LEPR: variants seen among roughly 807,000 people sequenced by gnomAD.
LEPR encodes OB receptor.
A neutral mutation model predicts 114.7 loss-of-function variants in LEPR; 56 were observed. The ratio of observed to expected loss-of-function variants is 0.49; its 90% CI spans 0.39 to 0.61. The LOEUF is 0.61. Among genes scored for constraint, LEPR ranks in the 20% least tolerant of loss-of-function variants. The pLI is 0.00. For synonymous variants in LEPR, 443 were observed against 461.4 expected (o/e 0.96, Z 0.51); for missense variants, 1,202 against 1,352.9 (o/e 0.89, Z 1.75).
At chr1:65,579,407 G>A (rs976978136) in intron 5 of LEPR, among the ~76,000 whole-genome samples, 1 of 152,148 alleles carries the variant, frequency 6.6e-6, no homozygotes, top group Non-Finnish European at 1.5e-5. Flanking sequence ...TTTATTGAGA[G>A]TGAATAATGG....
At chr1:65,421,575 T>C (rs1570406688) in intron 1 of LEPR, 1 of 1,169,868 alleles carries the variant, frequency 8.5e-7, no homozygotes, top group Non-Finnish European at 1.2e-6. Flanking sequence ...TAACATCTGC[T>C]ATAAACATGT....
intron 5 of LEPR, among the ~76,000 whole-genome samples, chr1:65,585,814 CA>C (rs1160038167): frequency 6.6e-6 from 1 of 151,878 alleles, no homozygotes; most frequent in African/African-American, 2.4e-5. Flanking sequence ...TTAAAATTAT[CA>C]AATTTGTTAG....
intron 5 of LEPR, among the ~76,000 whole-genome samples, chr1:65,588,680 A>G (rs992589476): frequency 6.6e-6 from 1 of 152,048 alleles, no homozygotes; most frequent in African/African-American, 2.4e-5. Flanking sequence ...AGAACTTTAT[A>G]TAAATGCAAT....
intron 19 of LEPR, chr1:65,634,329 C>T (rs1406749212): frequency 1.0e-6 from 1 of 981,414 alleles, no homozygotes; most frequent in South Asian, 4.7e-5. Flanking sequence ...CCCTTCTTGA[C>T]TTCTAATAGG....
rs139186771 is a variant in LEPR at position 65,476,640 on chromosome 1, C to CA, written c.-21+51264dup. Among the ~76,000 whole-genome samples, 752 of 152,306 alleles carry CA rather than the reference C, an allele frequency of 4.9e-3. 8 individuals are homozygous for CA. The highest frequency in any genetic ancestry group is 0.017 in the African/African-American group (723 of 41,566). On this transcript the variant is annotated intron_variant, in intron 2 of 19. Coordinates refer to ENST00000349533, the MANE Select transcript of LEPR (RefSeq NM_002303.6). ...AGCAAGTTCTCCACTAAGCCTCTAACAATAATAACACTGATGGCAGCTAAA... is the reference window on the plus strand; with the variant it reads ...AGCAAGTTCTCCACTAAGCCTCTAACAAATAATAACACTGATGGCAGCTAAA...
intron 2 of LEPR, among the ~76,000 whole-genome samples, chr1:65,484,235 C>A (rs1647361595): frequency 6.6e-6 from 1 of 151,956 alleles, no homozygotes; most frequent in African/African-American, 2.4e-5. Flanking sequence ...ATTACTTGGC[C>A]CATAGTAGGA....
At chr1:65,468,556 C>G (rs1368366612) in intron 2 of LEPR, among the ~76,000 whole-genome samples, 3 of 152,140 alleles carry the variant, frequency 2.0e-5, no homozygotes, top group Non-Finnish European at 2.9e-5. Flanking sequence ...GAGGCAAAAT[C>G]CACAGAGGAC....
intron 2 of LEPR, among the ~76,000 whole-genome samples, chr1:65,502,528 G>C (rs559197762): frequency 6.6e-6 from 1 of 152,040 alleles, no homozygotes. Flanking sequence ...GGGTGCTGAC[G>C]ATATAGCTTC....
chr1:65,564,170 T>C (rs1426559703), intron 2 of LEPR, among the ~76,000 whole-genome samples: 6 of 150,056 alleles, frequency 4.0e-5, no homozygotes, highest in African/African-American at 1.5e-4. Flanking sequence ...CGCCTTGCAG[T>C]TTGATCTCAG....
intron 2 of LEPR, chr1:65,432,477 T>C (rs1281416493): frequency 1.8e-5 from 11 of 594,766 alleles, no homozygotes; most frequent in Non-Finnish European, 2.3e-5. Context: ...AGAAGCATCA[T>C]CATAGAGAAG....
intron 2 of LEPR, among the ~76,000 whole-genome samples, chr1:65,466,008 G>A (rs534075838): frequency 1.9e-3 from 291 of 152,228 alleles, no homozygotes; most frequent in African/African-American, 6.7e-3. Flanking sequence ...TTTAATTGGG[G>A]CATTTAGCCC....
At position 65,636,963 on chromosome 1, in the gene LEPR, C is replaced by T; in HGVS notation, c.3446C>T (p.Ser1149Phe). The change falls in exon 20 of 20, where the codon TCT becomes TTT. Residue 1149 changes from serine to phenylalanine, a missense_variant. Physicochemically the swap from Ser to Phe is radical, Grantham distance 155 (BLOSUM62 -2). Coordinates refer to ENST00000349533, the MANE Select transcript of LEPR (RefSeq NM_002303.6). ...ASYMPQFQTC[S>F]TQTHKIMENK... ...TACATGCCTCAATTCCAAACTTGTT[C>T]TACTCAGACTCATAAGATCATGGAA... 1 of 1,611,430 alleles carries T rather than the reference C, an allele frequency of 6.2e-7. No individual in the cohort carries two copies. Among genetic ancestry groups the T allele is most frequent in the Non-Finnish European group, 8.5e-7 (1 of 1,179,344 alleles).
At chr1:65,452,582 T>C (rs1364994887) in intron 2 of LEPR, among the ~76,000 whole-genome samples, 6 of 152,256 alleles carry the variant, frequency 3.9e-5, no homozygotes, top group Admixed American at 3.3e-4. Flanking sequence ...GGATTACATT[T>C]ATTGATTTGC....
Position 65,543,077 on chromosome 1 carries a change from A to C in LEPR, c.-20-22469A>C, listed in dbSNP as rs552475633. ...GGTTGAACTAATTTACACTCCCACC[A>C]ACAGTGTAAAAGCGTTCCTATTTCT... On this transcript the variant is annotated intron_variant, in intron 2 of 19. Coordinates refer to ENST00000349533, the MANE Select transcript of LEPR (RefSeq NM_002303.6). Among the ~76,000 whole-genome samples the C allele has an allele frequency of 1.3e-3, 195 of 152,130 alleles. 4 individuals are homozygous for C. The highest frequency in any genetic ancestry group is 3.4e-3 in the African/African-American group (141 of 41,388).
In LEPR at chr1:65,564,559, G is replaced by C. The variant is rs55716778; in HGVS notation, c.-20-987G>C. Among the ~76,000 whole-genome samples, 4 of 91,792 alleles carry C rather than the reference G, an allele frequency of 4.4e-5. 1 individual carries two copies. The highest frequency in any genetic ancestry group is 1.8e-4 in the African/African-American group (4 of 22,302). The allele number at this position is 91,792 out of a possible 152,430, so 60.2% of individuals were successfully genotyped here. A position where few individuals can be genotyped will look rare whatever the true frequency, so the allele number is the denominator to read the frequency against. Reference sequence around the variant, plus strand: ...CTGTAGACCGGAGCTGTTCCTATTCGGCCATCTTGGCTCCTCCGTGAATCC... The same window carrying C: ...CTGTAGACCGGAGCTGTTCCTATTCCGCCATCTTGGCTCCTCCGTGAATCC... On this transcript the variant is annotated intron_variant, in intron 2 of 19. Transcript: ENST00000349533.
rs180970909 is a variant in LEPR, at chr1:65,423,586, A to G, written c.-96-1717A>G. Among the ~76,000 whole-genome samples the G allele has an allele frequency of 1.1e-3, 174 of 152,294 alleles. 2 individuals are homozygous for G. The highest frequency in any genetic ancestry group is 4.0e-3 in the African/African-American group (166 of 41,568). On this transcript the variant is annotated intron_variant, in intron 1 of 19. Coordinates refer to ENST00000349533, the MANE Select transcript of LEPR (RefSeq NM_002303.6). The stretch of plus-strand genomic sequence containing the variant: ...AGTATGTGGTATTTGCTTTCCATCC[A>G]CACATGGGCATTTTCCATTAAAGAG...
At chr1:65,575,509 T>A (rs1354337266) in intron 5 of LEPR, among the ~76,000 whole-genome samples, 1 of 151,582 alleles carries the variant, frequency 6.6e-6, no homozygotes, top group Non-Finnish European at 1.5e-5. Flanking sequence ...GTATCATAAT[T>A]CATCAAAATA....
Position 65,633,766 on chromosome 1 carries a change from T to G in LEPR, c.2674-2425T>G, listed in dbSNP as rs1489613487. The G allele has an allele frequency of 6.1e-6, 6 of 985,534 alleles. No individual in the cohort carries two copies. The highest frequency in any genetic ancestry group is 7.2e-6 in the Non-Finnish European group (6 of 830,028). The allele number at this position is 985,534 out of a possible 1,614,324, so 61.0% of individuals were successfully genotyped here. A position where few individuals can be genotyped will look rare whatever the true frequency, so the allele number is the denominator to read the frequency against. On this transcript the variant is annotated intron_variant, in intron 19 of 19. Transcript: ENST00000349533. The surrounding 1 kb of genome is among the most constrained non-coding windows in gnomAD (Gnocchi z 4.1). ...TATCTAACTTTGTTCAATCTGGGAA[T>G]TTCAGTTTTCAATATCCTTGAAAAT...
rs567349093 is a variant in LEPR at position 65,575,784 on chromosome 1, T to C, written c.494+3335T>C. Among the ~76,000 whole-genome samples the C allele has an allele frequency of 2.9e-4, 44 of 151,658 alleles. 1 individual carries two copies. The highest frequency in any genetic ancestry group is 1.1e-3 in the African/African-American group (44 of 40,936). On this transcript the variant is annotated intron_variant, in intron 5 of 19. Coordinates refer to ENST00000349533, the MANE Select transcript of LEPR (RefSeq NM_002303.6). ...AATAGGAACATCTGTTTGCTGAGTTTTGTCATTGTGTACAAATGAAACTCT... is the reference window on the plus strand; with the variant it reads ...AATAGGAACATCTGTTTGCTGAGTTCTGTCATTGTGTACAAATGAAACTCT...
Sources: gnomAD v4.1 joint callset for allele counts (sites outside exome capture counted in the v4.1 genomes callset) on GRCh38, gnomAD v4.1.1 for gene constraint, Gnocchi (gnomAD v3.1) non-coding constraint, MANE v1.5 for transcripts, NCBI Gene and HGNC (gene_info 2026-07-23, HGNC 2026-07-21) for gene names.